The following PPP1R21 variants were observed in gnomAD, a reference collection of about 807,000 sequenced individuals.
PPP1R21 encodes the protein protein phosphatase 1 regulatory subunit 21, also known as KLRAQ motif containing 1.
PPP1R21 carries 85 observed loss-of-function variants against 112.8 expected under a neutral mutation model. That is an observed-to-expected ratio of 0.75 (90% CI 0.63 to 0.90). The LOEUF is 0.90. Ranked by LOEUF, PPP1R21 falls within the 40% of genes least tolerant of loss-of-function variation. The pLI is 0.00. For synonymous variants in PPP1R21, 381 were observed against 322.3 expected (o/e 1.18, Z -1.95); for missense variants, 1,199 against 901.5 (o/e 1.33, Z -4.23).
chr2:48,459,629 T>C, intron 4 of PPP1R21, 125 bp from the exon 5 acceptor site: 2 of 978,482 alleles, frequency 2.0e-6, no homozygotes, highest in Non-Finnish European at 3.0e-6. Flanking sequence ...AATGCCTGTG[T>C]GGGTTTAACA....
At chr2:48,480,108 A>G (rs552684837) in intron 13 of PPP1R21, 92 bp downstream of exon 13, 3 of 867,904 alleles carry the variant, frequency 3.5e-6, no homozygotes, top group Non-Finnish European at 3.9e-6. Flanking sequence ...GCCAAGGGTA[A>G]TAGACCCCAG....
chr2:48,443,573 T>A (rs1277930281), intron 1 of PPP1R21, among the ~76,000 whole-genome samples: 2 of 152,166 alleles, frequency 1.3e-5, no homozygotes, highest in Non-Finnish European at 2.9e-5. Flanking sequence ...CTAAGGAGAC[T>A]GTAGGAGGCC....
intron 12 of PPP1R21, among the ~76,000 whole-genome samples, chr2:48,479,319 C>G (rs1476048489): frequency 6.6e-6 from 1 of 152,214 alleles, no homozygotes; most frequent in Non-Finnish European, 1.5e-5. Flanking sequence ...ATTTCTGTCT[C>G]CCTGAGCTGT....
At chr2:48,470,668 C>G (rs1037392195) in intron 9 of PPP1R21, among the ~76,000 whole-genome samples, 4 of 151,994 alleles carry the variant, frequency 2.6e-5, no homozygotes, top group African/African-American at 9.7e-5. Context: ...AAATTTTTGT[C>G]GTACAGTCTT....
intron 14 of PPP1R21, among the ~76,000 whole-genome samples, chr2:48,489,233 A>T (rs1669446479): frequency 6.6e-6 from 1 of 152,140 alleles, no homozygotes; most frequent in East Asian, 1.9e-4. Context: ...ATTTTTATTT[A>T]TATCAGCATT....
intron 2 of PPP1R21, among the ~76,000 whole-genome samples, chr2:48,453,219 G>A (rs1302567330): frequency 6.6e-6 from 1 of 152,198 alleles, no homozygotes; most frequent in Non-Finnish European, 1.5e-5. Context: ...CTCCCAAAGT[G>A]CTGGGATTAT....
chr2:48,511,336 T>A lies in PPP1R21; in HGVS notation c.2185-4T>A, dbSNP rs778809679. ...TGATTTTTGTCTTTTTCTTTGCTATTTAGGATGAGCTGACAACTACCAAGA... is the reference window on the plus strand; with the variant it reads ...TGATTTTTGTCTTTTTCTTTGCTATATAGGATGAGCTGACAACTACCAAGA... On this transcript the variant is annotated splice_polypyrimidine_tract_variant and splice_region_variant and intron_variant, in intron 20 of 21. Transcript: ENST00000294952. The A allele has an allele frequency of 6.2e-7, 1 of 1,610,238 alleles. No homozygotes were observed. The highest frequency in any genetic ancestry group is 8.5e-7 in the Non-Finnish European group (1 of 1,178,986).
intron 13 of PPP1R21, among the ~76,000 whole-genome samples, chr2:48,483,648 G>A (rs184583364): frequency 6.6e-6 from 1 of 152,240 alleles, no homozygotes. Context: ...TCTCTACCCT[G>A]TTCCTTGTAA....
intron 12 of PPP1R21, among the ~76,000 whole-genome samples, chr2:48,475,253 T>C (rs1219850892): frequency 6.6e-6 from 1 of 152,096 alleles, no homozygotes; most frequent in African/African-American, 2.4e-5. Flanking sequence ...CTCTGGAGGC[T>C]GAGGTGGGAG....
rs763146501 is a variant in PPP1R21 at position 48,465,522 on chromosome 2, C to A, written c.777C>A (p.Ala259=). Residue 259 remains alanine (A), a synonymous_variant, in exon 9 of 22, where the codon GCC becomes GCA. Coordinates refer to ENST00000294952, the MANE Select transcript of PPP1R21 (RefSeq NM_001135629.3). ...AGATGCGAGATATTGCTGGGCAGGC[C>A]CTGGCTTTTGTTCAGGATCTTGTGA... ...QLKMRDIAGQ[A]LAFVQDLVTA... The A allele has an allele frequency of 6.2e-7, 1 of 1,612,810 alleles. No individual in the cohort carries two copies. Among genetic ancestry groups the A allele is most frequent in the Non-Finnish European group, 8.5e-7 (1 of 1,179,516 alleles).
chr2:48,499,825 A>G (rs889917207), intron 17 of PPP1R21, among the ~76,000 whole-genome samples: 5 of 152,256 alleles, frequency 3.3e-5, no homozygotes, highest in African/African-American at 1.2e-4. Flanking sequence ...AGTTACTTTA[A>G]AAAATGTTTT....
intron 1 of PPP1R21, among the ~76,000 whole-genome samples, chr2:48,446,534 A>G (rs1408542501): frequency 6.6e-6 from 1 of 152,222 alleles, no homozygotes; most frequent in East Asian, 1.9e-4. Flanking sequence ...AATCTCTTAT[A>G]TAATGTATTA....
chr2:48,476,193 A>C (rs1287426996), intron 12 of PPP1R21, among the ~76,000 whole-genome samples: 1 of 152,202 alleles, frequency 6.6e-6, no homozygotes, highest in African/African-American at 2.4e-5. Context: ...CATTTCATTT[A>C]AATGGAATAA....
At chr2:48,451,860 T>C (rs1667490345) in intron 2 of PPP1R21, among the ~76,000 whole-genome samples, 1 of 152,190 alleles carries the variant, frequency 6.6e-6, no homozygotes. Flanking sequence ...ATCAGTAATA[T>C]GTCTGAGGTG....
At position 48,440,979 on chromosome 2, in the gene PPP1R21, A is replaced by G. The variant is rs1286486372; in HGVS notation, c.26A>G (p.Lys9Arg). The change falls in exon 1 of 22, where the codon AAG becomes AGG. Residue 9 changes from lysine (K) to arginine (R), a missense_variant. By Grantham distance (26) the Lys-to-Arg change is conservative. Transcript: ENST00000294952. ...ATGGCCTCGGCTGAGTTGCAGGGGA[A>G]GTACCAGAAGCTGGCTCAGGAGTAC... MASAELQG[K>R]YQKLAQEYSK... is the part of the protein sequence containing the mutation. The G allele has an allele frequency of 3.1e-6, 5 of 1,612,058 alleles. No individual in the cohort carries two copies. The highest frequency in any genetic ancestry group is 3.3e-5 in the Admixed American group (2 of 59,948).
intron 21 of PPP1R21, among the ~76,000 whole-genome samples, chr2:48,511,712 A>T (rs1670651925): frequency 6.6e-6 from 1 of 151,702 alleles, no homozygotes; most frequent in Non-Finnish European, 1.5e-5. Flanking sequence ...AAAAAAAAAA[A>T]ATGAAAAAAT....
intron 18 of PPP1R21, 105 bp downstream of exon 18, chr2:48,505,701 T>C: frequency 1.0e-6 from 1 of 958,662 alleles, no homozygotes; most frequent in Admixed American, 2.0e-5. Flanking sequence ...GTTGTTGTTT[T>C]TTCCTGACAC....
intron 17 of PPP1R21, among the ~76,000 whole-genome samples, chr2:48,503,256 TCTA>T (rs1438535864): frequency 6.6e-6 from 1 of 152,202 alleles, no homozygotes; most frequent in Non-Finnish European, 1.5e-5. Context: ...ATCGTTTTTT[TCTA>T]CTAAATTTCA....
chr2:48,498,287 T>TTA (rs1401651517), intron 16 of PPP1R21, among the ~76,000 whole-genome samples: 1 of 151,982 alleles, frequency 6.6e-6, no homozygotes, highest in Non-Finnish European at 1.5e-5. Context: ...TTTTTTTTTT[T>TTA]ATCTCACTAT....
Sources: gnomAD v4.1 joint callset for allele counts (sites outside exome capture counted in the v4.1 genomes callset) on GRCh38, gnomAD v4.1.1 for gene constraint, MANE v1.5 for transcripts, NCBI Gene and HGNC (gene_info 2026-07-23, HGNC 2026-07-21) for gene names.